FAM178B: variants seen among roughly 807,000 people sequenced by gnomAD.
FAM178B encodes the protein family with sequence similarity 178 member B, also known as protein FAM178B.
FAM178B carries 82 observed loss-of-function variants against 91.7 expected under a neutral mutation model. The ratio of observed to expected loss-of-function variants is 0.89; its 90% CI spans 0.75 to 1.07. The LOEUF is 1.07. Ranked by LOEUF, FAM178B falls within the 50% of genes least tolerant of loss-of-function variation. The probability of loss-of-function intolerance (pLI) is 0.00; values close to 1 mark genes in which losing one functional copy is unlikely to be tolerated. For missense variants in FAM178B, 769 were observed against 846.7 expected (o/e 0.91, Z 1.14); for synonymous variants, 368 against 359.4 (o/e 1.02, Z -0.27).
intron 16 of FAM178B, 175 bp downstream of exon 16, chr2:96,877,715 A>G (rs1242943928): frequency 3.2e-6 from 2 of 632,724 alleles, no homozygotes; most frequent in East Asian, 5.5e-5. Context: ...GATTCTTGAT[A>G]AGAATGATGA....
At chr2:96,876,769 G>A (rs2080252276) in intron 16 of FAM178B, among the ~76,000 whole-genome samples, 2 of 152,144 alleles carry the variant, frequency 1.3e-5, no homozygotes, top group African/African-American at 2.4e-5. Context: ...TGGTGGTGGG[G>A]TGGGGGGTGG....
At chr2:96,943,589 A>C (rs2081770420) in intron 8 of FAM178B, among the ~76,000 whole-genome samples, 2 of 152,230 alleles carry the variant, frequency 1.3e-5, no homozygotes, top group Non-Finnish European at 2.9e-5. Context: ...TACATTTTAA[A>C]AGGGTGAGTT....
At chr2:96,968,579 AG>A (rs1422072083) in intron 4 of FAM178B, among the ~76,000 whole-genome samples, 2 of 151,970 alleles carry the variant, frequency 1.3e-5, no homozygotes, top group African/African-American at 4.8e-5. Flanking sequence ...CCACTCACTG[AG>A]TGATTTCTAG....
chr2:96,896,701 C>T (rs559960766), intron 13 of FAM178B, among the ~76,000 whole-genome samples: 5 of 152,202 alleles, frequency 3.3e-5, no homozygotes, highest in Non-Finnish European at 7.3e-5. Context: ...GGACAGGAAG[C>T]CAAGATCTTA....
intron 6 of FAM178B, among the ~76,000 whole-genome samples, chr2:96,955,226 C>T (rs191072010): frequency 1.7e-3 from 260 of 151,648 alleles, no homozygotes; most frequent in African/African-American, 6.1e-3. Context: ...ATTAGCCATG[C>T]GAGACCGGGT....
chr2:96,971,062 ACAT>A (rs1400957147), intron 3 of FAM178B, among the ~76,000 whole-genome samples: 1 of 151,466 alleles, frequency 6.6e-6, no homozygotes, highest in African/African-American at 2.4e-5. Context: ...AAACAACACC[ACAT>A]CACAGGCGCC....
intron 1 of FAM178B, among the ~76,000 whole-genome samples, chr2:96,976,348 C>T (rs973071850): frequency 1.3e-5 from 2 of 151,872 alleles, no homozygotes; most frequent in African/African-American, 4.8e-5. Flanking sequence ...CTGCCTTGGC[C>T]TCCCAAAGTG....
intron 5 of FAM178B, among the ~76,000 whole-genome samples, chr2:96,966,170 C>A (rs1426771246): frequency 6.6e-6 from 1 of 152,084 alleles, no homozygotes; most frequent in Non-Finnish European, 1.5e-5. Flanking sequence ...TCCAGGCTCC[C>A]ACACGCCAGG....
chr2:96,878,168 G>A, intron 15 of FAM178B, 126 bp from the exon 16 acceptor site: 4 of 1,060,208 alleles, frequency 3.8e-6, no homozygotes, highest in Non-Finnish European at 5.6e-6. Flanking sequence ...AGAAGTTGAG[G>A]AGGAAAAGGA....
chr2:96,937,526 G>A (rs907785608), intron 8 of FAM178B, among the ~76,000 whole-genome samples: 1 of 152,146 alleles, frequency 6.6e-6, no homozygotes, highest in Non-Finnish European at 1.5e-5. Flanking sequence ...GTAGCCCAGG[G>A]GCTCTCAGTT....
chr2:96,892,082 C>A (rs1443435669), intron 14 of FAM178B, among the ~76,000 whole-genome samples: 2 of 152,206 alleles, frequency 1.3e-5, no homozygotes, highest in Non-Finnish European at 2.9e-5. Context: ...TGGTGAGTGG[C>A]CCATCTAACC....
chr2:96,948,135 AG>A (rs2081861531), intron 7 of FAM178B, among the ~76,000 whole-genome samples: 1 of 152,240 alleles, frequency 6.6e-6, no homozygotes, highest in Non-Finnish European at 1.5e-5. Flanking sequence ...GCCAGCACTC[AG>A]GCCCAGACAC....
intron 6 of FAM178B, among the ~76,000 whole-genome samples, chr2:96,959,434 T>G (rs2082049306): frequency 6.6e-6 from 1 of 152,160 alleles, no homozygotes; most frequent in Non-Finnish European, 1.5e-5. Flanking sequence ...TATCATACAA[T>G]AAGACGGACT....
chr2:96,906,534 G>A (rs1186675093), intron 12 of FAM178B, among the ~76,000 whole-genome samples: 3 of 152,090 alleles, frequency 2.0e-5, no homozygotes, highest in African/African-American at 7.2e-5. Flanking sequence ...CCCCTCCTGT[G>A]CAGCACCACT....
At chr2:96,894,388 A>G (rs1231000059) in intron 13 of FAM178B, among the ~76,000 whole-genome samples, 1 of 51,372 alleles carries the variant, frequency 1.9e-5, no homozygotes, top group African/African-American at 8.2e-5. Context: ...CCCCACACCC[A>G]CACATACCCA....
At chr2:96,947,183 G>A (rs2081843519) in intron 8 of FAM178B, among the ~76,000 whole-genome samples, 1 of 152,166 alleles carries the variant, frequency 6.6e-6, no homozygotes, top group Non-Finnish European at 1.5e-5. Flanking sequence ...TGACAGTCTA[G>A]GGAGGGTGCA....
At chr2:96,885,334 A>G (rs1373032247) in intron 14 of FAM178B, among the ~76,000 whole-genome samples, 1 of 152,258 alleles carries the variant, frequency 6.6e-6, no homozygotes. Flanking sequence ...CCCTCAGAAC[A>G]GGAGCTCTCA....
At chr2:96,958,514 C>A (rs1203398464) in intron 6 of FAM178B, among the ~76,000 whole-genome samples, 10 of 151,086 alleles carry the variant, frequency 6.6e-5, no homozygotes, top group Non-Finnish European at 1.5e-5. Flanking sequence ...ATGGCGAGAC[C>A]CCCATCTCTA....
chr2:96,929,286 T>C lies in FAM178B; in HGVS notation c.1113A>G (p.Gln371=), dbSNP rs2081500886. ...GGCTGTGGAATGCCTCCCTGACTTC[T>C]TGCAGTGAGGGGCACCACAGGTGCT... ...EDKHLWCPSL[Q]EVREAFHSLG... The change falls in exon 9 of 17, where the codon CAA becomes CAG. Residue 371 remains glutamine, a synonymous_variant. Coordinates refer to ENST00000490605, the MANE Select transcript of FAM178B (RefSeq NM_001122646.3). The C allele has an allele frequency of 6.4e-7, 1 of 1,551,556 alleles. No homozygotes were observed. The highest frequency in any genetic ancestry group is 1.2e-5 in the South Asian group (1 of 84,058).
Sources: allele counts gnomAD v4.1 joint callset (sites outside exome capture counted in the v4.1 genomes callset), GRCh38; gene constraint gnomAD v4.1.1; transcripts MANE v1.5; gene names NCBI Gene and HGNC (gene_info 2026-07-23, HGNC 2026-07-21).